Variants in SS18 observed in about 807,000 individuals in gnomAD.
SS18 encodes the protein protein SSXT.
SS18 carries 28 observed loss-of-function variants against 72.5 expected under a neutral mutation model. That is an observed-to-expected ratio of 0.39 (90% CI 0.29 to 0.53). The LOEUF (loss-of-function observed/expected upper bound fraction) is 0.53. SS18 is among the 20% of genes least tolerant of loss of function. The pLI is 0.76. For missense variants in SS18, 518 were observed against 535.3 expected (o/e 0.97, Z 0.32); for synonymous variants, 172 against 164.2 (o/e 1.05, Z -0.37).
intron 10 of SS18, among the ~76,000 whole-genome samples, chr18:26,025,533 A>C (rs141219632): frequency 1.9e-3 from 296 of 152,212 alleles, no homozygotes; most frequent in Non-Finnish European, 3.3e-3. Flanking sequence ...GAGAGAGGTA[A>C]TATCACTACA....
intron 9 of SS18, 137 bp downstream of exon 9, chr18:26,034,868 T>A (rs1401288605): frequency 8.7e-7 from 1 of 1,151,408 alleles, no homozygotes; most frequent in Non-Finnish European, 1.2e-6. Context: ...TAAACCAACA[T>A]TTTAACAGTA....
intron 10 of SS18, among the ~76,000 whole-genome samples, chr18:26,022,709 A>C (rs1424712641): frequency 1.3e-5 from 2 of 152,228 alleles, no homozygotes; most frequent in Non-Finnish European, 2.9e-5. Context: ...CCTACAAGAA[A>C]GATCTGCCTA....
rs1179357157 is a variant in SS18, at chr18:26,035,292, C to T, written c.974-165G>A. Reference sequence around the variant, plus strand: ...AAACTCAAACCAAACAGAAGGATTTCGGCCAAACAAACTGCAGTTAAAGCC... The same window carrying T: ...AAACTCAAACCAAACAGAAGGATTTTGGCCAAACAAACTGCAGTTAAAGCC... On this transcript the variant is annotated intron_variant, in intron 8 of 10. Coordinates refer to ENST00000415083, the MANE Select transcript of SS18 (RefSeq NM_001007559.3). This position sits in a 1 kb window ranked among gnomAD's most constrained non-coding sequence, Gnocchi z 4.4. 1.1e-6 allele frequency: 1 copy of T among 948,166 alleles called. No individual in the cohort carries two copies. The highest frequency in any genetic ancestry group is 2.9e-5 in the East Asian group (1 of 33,954). 58.7% of individuals were successfully genotyped at this position (948,166 alleles called of 1,614,324 possible). A position where few individuals can be genotyped will look rare whatever the true frequency, so the allele number is the denominator to read the frequency against.
At chr18:26,062,932 AT>A (rs1386934608) in intron 3 of SS18, among the ~76,000 whole-genome samples, 1 of 152,196 alleles carries the variant, frequency 6.6e-6, no homozygotes, top group Non-Finnish European at 1.5e-5. Flanking sequence ...ACAGTTGGAG[AT>A]TTTAAGATAC....
chr18:26,065,095 T>C (rs1334106598), intron 3 of SS18, among the ~76,000 whole-genome samples: 1 of 152,132 alleles, frequency 6.6e-6, no homozygotes, highest in Admixed American at 6.5e-5. Context: ...AATGGAAGGA[T>C]ATGCCATCTT....
At position 26,017,569 on chromosome 18, in the gene SS18, CAG is replaced by C. The variant is rs1295665512; in HGVS notation, c.*783_*784del. 4.9e-6 allele frequency: 1 copy of C among 202,164 alleles called. No individual in the cohort carries two copies. The highest frequency in any genetic ancestry group is 1.0e-5 in the Non-Finnish European group (1 of 98,150). 12.5% of individuals were successfully genotyped at this position (202,164 alleles called of 1,614,324 possible). ...TGAAACTGTTTTACCAAAGCCTCCT[CAG>C]ATCCAACACAAAGTAATTCTTATTG... On this transcript the variant is annotated 3_prime_UTR_variant, in exon 11 of 11. Coordinates refer to ENST00000415083, the MANE Select transcript of SS18 (RefSeq NM_001007559.3).
At chr18:26,051,627 T>G (rs1326374509) in intron 5 of SS18, among the ~76,000 whole-genome samples, 1 of 152,182 alleles carries the variant, frequency 6.6e-6, no homozygotes, top group African/African-American at 2.4e-5. Context: ...TGACTGGATC[T>G]TGCTGTTGTT....
intron 1 of SS18, 47 bp from the exon 2 acceptor site, chr18:26,087,624 T>C (rs753087485): frequency 1.8e-6 from 2 of 1,139,238 alleles, no homozygotes; most frequent in East Asian, 2.4e-5. Flanking sequence ...GTGCATCAAG[T>C]AAAATAAAAA....
In SS18 at chr18:26,035,162, A is replaced by G; in HGVS notation, c.974-35T>C. 1 of 1,607,410 alleles carries G rather than the reference A, an allele frequency of 6.2e-7. No individual in the cohort carries two copies. Among genetic ancestry groups the G allele is most frequent in the Non-Finnish European group, 8.5e-7 (1 of 1,176,082 alleles). On this transcript the variant is annotated intron_variant, in intron 8 of 10. Coordinates refer to ENST00000415083, the MANE Select transcript of SS18 (RefSeq NM_001007559.3). This position sits in a 1 kb window ranked among gnomAD's most constrained non-coding sequence, Gnocchi z 4.4. ...AATTGGAGAAGAGGAAAAAAAACTGAGAAGTCTGCTTAAGTAACTTTTTTC... is the reference window on the plus strand; with the variant it reads ...AATTGGAGAAGAGGAAAAAAAACTGGGAAGTCTGCTTAAGTAACTTTTTTC...
rs1662574158 is a variant in SS18 at position 26,016,941 on chromosome 18, T to C, written c.*1413A>G. ...GACGTGGGAAAAACCAATTCAATTA[T>C]AAAGAATACATCTTATTCCCTGGGC... On this transcript the variant is annotated 3_prime_UTR_variant, in exon 11 of 11. Coordinates refer to ENST00000415083, the MANE Select transcript of SS18 (RefSeq NM_001007559.3). 1 of 224,988 alleles carries C rather than the reference T, an allele frequency of 4.4e-6. No individual in the cohort carries two copies. The highest frequency in any genetic ancestry group is 2.2e-5 in the African/African-American group (1 of 44,948). The allele number at this position is 224,988 out of a possible 1,614,324, so 13.9% of individuals were successfully genotyped here. A position where few individuals can be genotyped will look rare whatever the true frequency, so the allele number is the denominator to read the frequency against.
In SS18 at chr18:26,069,527, G is replaced by C. The variant is rs200722910; in HGVS notation, c.231+8549C>G. Among the ~76,000 whole-genome samples, 172 of 137,666 alleles carry C rather than the reference G, an allele frequency of 1.2e-3. 1 individual carries two copies. The highest frequency in any genetic ancestry group is 4.3e-3 in the African/African-American group (159 of 37,094). The allele number at this position is 137,666 out of a possible 152,430, so 90.3% of individuals were successfully genotyped here. A position where few individuals can be genotyped will look rare whatever the true frequency, so the allele number is the denominator to read the frequency against. On this transcript the variant is annotated intron_variant, in intron 3 of 10. Transcript: ENST00000415083. ...CAAAGTAAAAAAAAAAAAAAAAAAA[G>C]AAAAAGAAAGAAATACTGTGACAGG...
intron 3 of SS18, among the ~76,000 whole-genome samples, chr18:26,063,485 T>C (rs976146502): frequency 6.6e-6 from 1 of 151,974 alleles, no homozygotes; most frequent in Non-Finnish European, 1.5e-5. Flanking sequence ...CCACTGCACT[T>C]CAGCCTGGGC....
chr18:26,084,923 A>G (rs2054591026), intron 2 of SS18, among the ~76,000 whole-genome samples: 1 of 152,220 alleles, frequency 6.6e-6, no homozygotes, highest in African/African-American at 2.4e-5. Context: ...ATAGTATTGC[A>G]TTCTTGATTT....
At chr18:26,036,357 G>C (rs2053626346) in intron 7 of SS18, among the ~76,000 whole-genome samples, 1 of 152,132 alleles carries the variant, frequency 6.6e-6, no homozygotes, top group Non-Finnish European at 1.5e-5. Flanking sequence ...AAATATAAAA[G>C]AGTTCCATAA....
chr18:26,089,539 T>TAAAAC (rs1397198468), intron 1 of SS18, among the ~76,000 whole-genome samples: 2 of 152,160 alleles, frequency 1.3e-5, no homozygotes, highest in African/African-American at 2.4e-5. Flanking sequence ...CTACACAGCA[T>TAAAAC]AAAACAAAAC....
At chr18:26,040,254 C>G (rs183755637) in intron 5 of SS18, among the ~76,000 whole-genome samples, 1 of 152,120 alleles carries the variant, frequency 6.6e-6, no homozygotes, top group African/African-American at 2.4e-5. Flanking sequence ...ATCACACTGG[C>G]AACAGTAAAA....
At chr18:26,031,562 C>A (rs747815665) in intron 10 of SS18, among the ~76,000 whole-genome samples, 16 of 152,180 alleles carry the variant, frequency 1.1e-4, no homozygotes, top group Non-Finnish European at 1.8e-4. Context: ...AATAATAAAT[C>A]ATTTCCATAA....
chr18:26,032,557 A>C (rs1233386907), intron 9 of SS18, 25 bp from the exon 10 acceptor site: 1 of 1,610,654 alleles, frequency 6.2e-7, no homozygotes, highest in African/African-American at 1.3e-5. Context: ...CACAACAAAA[A>C]CCCACATAAA....
chr18:26,057,458 C>T, intron 4 of SS18, 131 bp downstream of exon 4: 9 of 1,079,086 alleles, frequency 8.3e-6, no homozygotes, highest in Non-Finnish European at 1.2e-5. Flanking sequence ...AGCTAACAAA[C>T]TCTAAGAGAG....
Sources: gnomAD v4.1 joint callset for allele counts (sites outside exome capture counted in the v4.1 genomes callset) on GRCh38, gnomAD v4.1.1 for gene constraint, Gnocchi (gnomAD v3.1) non-coding constraint, MANE v1.5 for transcripts, NCBI Gene and HGNC (gene_info 2026-07-23, HGNC 2026-07-21) for gene names.